SNW1: variants seen among roughly 807,000 people sequenced by gnomAD.
The protein encoded by SNW1 is SNW domain containing 1.
Under a neutral mutation model 75.6 loss-of-function variants are expected in SNW1, and 9 were observed. The observed-to-expected ratio is 0.12, with a 90% CI of 0.07 to 0.21. SNW1 has a LOEUF of 0.21. Ranked by LOEUF, SNW1 falls within the 10% of genes least tolerant of loss-of-function variation. SNW1 has a pLI of 1.00. For missense variants in SNW1, 409 were observed against 670.9 expected, an observed-to-expected ratio of 0.61 and a Z score of 4.31; for synonymous variants, 200 against 219.1, an observed-to-expected ratio of 0.91 and a Z score of 0.77.
intron 1 of SNW1, 130 bp downstream of exon 1, chr14:77,760,984 T>C (rs993460612): frequency 3.1e-6 from 5 of 1,606,088 alleles, no homozygotes; most frequent in Admixed American, 3.3e-5. Flanking sequence ...CGGGAGGGCG[T>C]AGCCGTAGTC....
chr14:77,720,862 T>G (rs1182629001), intron 11 of SNW1, 34 bp from the exon 12 acceptor site: 13 of 1,340,598 alleles, frequency 9.7e-6, no homozygotes, highest in Non-Finnish European at 7.5e-6. Context: ...AACTGAAAAC[T>G]CTTTATAGAC....
chr14:77,760,781 C>T (rs1004174826), intron 1 of SNW1: 2 of 705,302 alleles, frequency 2.8e-6, no homozygotes, highest in African/African-American at 1.7e-5. Flanking sequence ...CCGTCACCAA[C>T]CCCATCTCGT....
At chr14:77,732,944 A>G (rs908058222) in intron 8 of SNW1, among the ~76,000 whole-genome samples, 1 of 152,232 alleles carries the variant, frequency 6.6e-6, no homozygotes, top group African/African-American at 2.4e-5. Context: ...TACAGGCATG[A>G]GCCATCGAGC....
intron 12 of SNW1, among the ~76,000 whole-genome samples, chr14:77,718,869 C>T (rs1400653113): frequency 1.3e-5 from 2 of 152,194 alleles, no homozygotes; most frequent in Non-Finnish European, 2.9e-5. Flanking sequence ...TGCCACCACA[C>T]CCAGCTAATT....
At chr14:77,760,451 A>AC (rs1456320902) in intron 1 of SNW1, among the ~76,000 whole-genome samples, 1 of 152,198 alleles carries the variant, frequency 6.6e-6, no homozygotes, top group Admixed American at 6.5e-5. Context: ...TCCCACTGAA[A>AC]AGCATCTTTT....
At chr14:77,753,814 G>T (rs1458400170) in intron 2 of SNW1, among the ~76,000 whole-genome samples, 2 of 151,648 alleles carry the variant, frequency 1.3e-5, no homozygotes, top group African/African-American at 4.8e-5. Flanking sequence ...TTAGCTGGAT[G>T]TGGTGGCACG....
intron 5 of SNW1, 61 bp from the exon 6 acceptor site, chr14:77,737,136 C>A: frequency 1.7e-6 from 2 of 1,188,176 alleles, no homozygotes. Flanking sequence ...AGGTATTTTC[C>A]TTCTATTACA....
Position 77,751,847 on chromosome 14 carries a change from A to C in SNW1, c.169-367T>G, listed in dbSNP as rs201741632. Among the ~76,000 whole-genome samples the C allele has an allele frequency of 1.4e-3, 180 of 124,902 alleles. 1 individual carries two copies. The highest frequency in any genetic ancestry group is 4.4e-3 in the African/African-American group (149 of 34,026). The allele number at this position is 124,902 out of a possible 152,430, so 81.9% of individuals were successfully genotyped here. A position where few individuals can be genotyped will look rare whatever the true frequency, so the allele number is the denominator to read the frequency against. ...ACACACACACACACACACACACACC[A>C]CACACACACACACACAAAGCATTTT... On this transcript the variant is annotated intron_variant, in intron 2 of 13. Coordinates refer to ENST00000261531, the MANE Select transcript of SNW1 (RefSeq NM_012245.3).
rs1242727503 is a variant in SNW1, at chr14:77,718,017, A to AG, written c.*70dup. The stretch of plus-strand genomic sequence containing the variant: ...TGGTTTTTATCCTGACCATTTACAA[A>AG]GTGTTCCCCCATATGACTTGCATCA... On this transcript the variant is annotated 3_prime_UTR_variant, in exon 14 of 14. Coordinates refer to ENST00000261531, the MANE Select transcript of SNW1 (RefSeq NM_012245.3). The AG allele has an allele frequency of 7.2e-7, 1 of 1,392,334 alleles. No homozygotes were observed. Among genetic ancestry groups the AG allele is most frequent in the Non-Finnish European group, 9.7e-7 (1 of 1,033,898 alleles). The allele number at this position is 1,392,334 out of a possible 1,614,324, so 86.2% of individuals were successfully genotyped here.
intron 3 of SNW1, among the ~76,000 whole-genome samples, chr14:77,744,446 C>CAAAAAAAAAAAAAAAAAAGAAAAATAAAA (rs2080743399): frequency 1.2e-5 from 1 of 82,964 alleles, no homozygotes; most frequent in Non-Finnish European, 2.2e-5. Context: ...GTCTCCATCT[C>CAAAAAAAAAAAAAAAAAAGAAAAATAAAA]AAAAAAAAAA....
intron 10 of SNW1, among the ~76,000 whole-genome samples, chr14:77,728,631 C>CA (rs2080604898): frequency 6.6e-6 from 1 of 152,080 alleles, no homozygotes; most frequent in African/African-American, 2.4e-5. Flanking sequence ...CTACCCTCGC[C>CA]AGTCTGAGGG....
intron 2 of SNW1, among the ~76,000 whole-genome samples, chr14:77,752,407 CATG>C (rs1332352146): frequency 6.6e-6 from 1 of 152,090 alleles, no homozygotes; most frequent in Non-Finnish European, 1.5e-5. Flanking sequence ...ATCAAATAAA[CATG>C]AGGATCAAGT....
intron 3 of SNW1, among the ~76,000 whole-genome samples, chr14:77,741,402 G>A (rs554894784): frequency 5.3e-5 from 8 of 152,132 alleles, no homozygotes; most frequent in South Asian, 2.1e-4. Context: ...ATTTTAGGCC[G>A]TACAGAACTT....
chr14:77,749,556 G>T (rs1255180876), intron 3 of SNW1, among the ~76,000 whole-genome samples: 1 of 151,610 alleles, frequency 6.6e-6, no homozygotes, highest in Non-Finnish European at 1.5e-5. Flanking sequence ...CACGAGGTCA[G>T]GAGATCAAGA....
chr14:77,728,487 G>C (rs779255275), intron 10 of SNW1, among the ~76,000 whole-genome samples: 1 of 151,944 alleles, frequency 6.6e-6, no homozygotes, highest in African/African-American at 2.4e-5. Context: ...AAAAAAGTCA[G>C]AAAAAAGGAA....
intron 3 of SNW1, among the ~76,000 whole-genome samples, chr14:77,746,566 T>G (rs1305626643): frequency 6.6e-6 from 1 of 152,162 alleles, no homozygotes; most frequent in Non-Finnish European, 1.5e-5. Flanking sequence ...ACCTAAGAAT[T>G]TAAACAAATA....
At chr14:77,748,089 T>A (rs928170036) in intron 3 of SNW1, among the ~76,000 whole-genome samples, 5 of 152,244 alleles carry the variant, frequency 3.3e-5, no homozygotes, top group African/African-American at 1.2e-4. Flanking sequence ...TGCCTTTGGA[T>A]GCTGTTAATC....
At chr14:77,752,857 G>A (rs998961453) in intron 2 of SNW1, among the ~76,000 whole-genome samples, 1 of 152,166 alleles carries the variant, frequency 6.6e-6, no homozygotes, top group Admixed American at 6.5e-5. Flanking sequence ...CTAAAGAGAT[G>A]TTTGAAGTTT....
At chr14:77,759,827 A>G (rs76651447) in intron 1 of SNW1, among the ~76,000 whole-genome samples, 3,688 of 151,886 alleles carry the variant, frequency 0.024, 163 homozygotes, top group African/African-American at 0.085. Flanking sequence ...TTTTTAAAAA[A>G]ATTTCAGATG....
Sources: gnomAD v4.1 joint callset for allele counts (sites outside exome capture counted in the v4.1 genomes callset) on GRCh38, gnomAD v4.1.1 for gene constraint, MANE v1.5 for transcripts, NCBI Gene and HGNC (gene_info 2026-07-23, HGNC 2026-07-21) for gene names.